Variants in GTF2H5 observed in about 807,000 individuals in gnomAD.
GTF2H5 encodes TFB5 ortholog.
A neutral mutation model predicts 7.1 loss-of-function variants in GTF2H5; 5 were observed. The observed-to-expected ratio is 0.71, with a 90% CI of 0.37 to 1.49. GTF2H5 has a LOEUF of 1.49. Ranked by LOEUF, GTF2H5 falls within the 40% of genes most tolerant of loss-of-function variation. The pLI, the probability that GTF2H5 is intolerant of heterozygous loss-of-function variation, is 0.03. For synonymous variants in GTF2H5, 30 were observed against 31.7 expected (o/e 0.95, Z 0.18); for missense variants, 80 against 83.0 (o/e 0.96, Z 0.14).
chr6:158,188,752 A>G (rs1776973306), intron 2 of GTF2H5, among the ~76,000 whole-genome samples: 1 of 152,052 alleles, frequency 6.6e-6, no homozygotes, highest in South Asian at 2.1e-4. Flanking sequence ...TACCCCATTC[A>G]TCCTCCTGTC....
At chr6:158,169,751 A>ATG (rs1562469427) in intron 1 of GTF2H5, among the ~76,000 whole-genome samples, 1 of 56,634 alleles carries the variant, frequency 1.8e-5, no homozygotes, top group African/African-American at 7.8e-5. Context: ...TATATTATAT[A>ATG]ATATATTGTA....
chr6:158,191,476 A>T (rs1362625388), intron 2 of GTF2H5, among the ~76,000 whole-genome samples: 1 of 150,102 alleles, frequency 6.7e-6, no homozygotes, highest in East Asian at 1.9e-4. Flanking sequence ...TTCAACTTAC[A>T]CTAATAGTTC....
chr6:158,169,769 T>TG (rs1562469492), intron 1 of GTF2H5, among the ~76,000 whole-genome samples: 1 of 94,118 alleles, frequency 1.1e-5, no homozygotes, highest in Non-Finnish European at 2.1e-5. Context: ...GTATATTATA[T>TG]ATAATATATT....
chr6:158,190,561 C>A, intron 2 of GTF2H5: 1 of 384,340 alleles, frequency 2.6e-6, no homozygotes, highest in Non-Finnish European at 5.1e-6. Flanking sequence ...TAAGTTAAAT[C>A]ATGTCACTTG....
intron 2 of GTF2H5, among the ~76,000 whole-genome samples, chr6:158,178,440 G>A (rs894519402): frequency 3.2e-5 from 4 of 125,250 alleles, no homozygotes; most frequent in Admixed American, 1.0e-4. Flanking sequence ...CTGGGAGACA[G>A]AGCGAGACTC....
rs1335562610 is a variant in GTF2H5, at chr6:158,198,371, T to C, written c.*6214T>C. ...TCTCGAATGTTTGGATCACAATCCA[T>C]TGAAAGACTAGGCTATTTTTTCACT... On this transcript the variant is annotated 3_prime_UTR_variant, in exon 3 of 3. Transcript: ENST00000607778. 6.6e-6 allele frequency: 1 copy of C among 152,258 alleles called. No homozygotes were observed. The highest frequency in any genetic ancestry group is 1.5e-5 in the Non-Finnish European group (1 of 68,044). 9.4% of individuals were successfully genotyped at this position (152,258 alleles called of 1,614,324 possible).
chr6:158,191,509 GTC>G (rs1287655292), intron 2 of GTF2H5, among the ~76,000 whole-genome samples: 1 of 148,258 alleles, frequency 6.7e-6, no homozygotes, highest in Non-Finnish European at 1.5e-5. Flanking sequence ...TTGAGACAGA[GTC>G]TCGCTCTGTC....
rs1392132724 is a variant in GTF2H5 at position 158,198,247 on chromosome 6, C to G, written c.*6090C>G. ...AGCGGTCTGATGCTTTCATTGATCTCAAAACTGTCTCTGAGTAACTCTACC... is the reference window on the plus strand; with the variant it reads ...AGCGGTCTGATGCTTTCATTGATCTGAAAACTGTCTCTGAGTAACTCTACC... On this transcript the variant is annotated 3_prime_UTR_variant, in exon 3 of 3. Transcript: ENST00000607778. The G allele has an allele frequency of 6.6e-6, 1 of 152,188 alleles. No individual in the cohort carries two copies. Among genetic ancestry groups the G allele is most frequent in the Non-Finnish European group, 1.5e-5 (1 of 68,028 alleles). 9.4% of individuals were successfully genotyped at this position (152,188 alleles called of 1,614,324 possible).
At chr6:158,170,695 G>T (rs1234873106) in intron 2 of GTF2H5, among the ~76,000 whole-genome samples, 157 bp downstream of exon 2, 1 of 152,196 alleles carries the variant, frequency 6.6e-6, no homozygotes, top group Non-Finnish European at 1.5e-5. Context: ...AGCTCCTGGT[G>T]CCAGATTTCA....
At position 158,195,467 on chromosome 6, in the gene GTF2H5, C is replaced by T. The variant is rs558159669; in HGVS notation, c.*3310C>T. The T allele has an allele frequency of 3.3e-5, 5 of 152,256 alleles. No homozygotes were observed. In the South Asian group the frequency reaches 1.0e-3, roughly 32 times the overall value. 9.4% of individuals were successfully genotyped at this position (152,256 alleles called of 1,614,324 possible). A position where few individuals can be genotyped will look rare whatever the true frequency, so the allele number is the denominator to read the frequency against. ...ATTCCAGGGATCCTATCTAACATCA[C>T]AGTTGATGGATATAACAATGTATTT... On this transcript the variant is annotated 3_prime_UTR_variant, in exon 3 of 3. Coordinates refer to ENST00000607778, the MANE Select transcript of GTF2H5 (RefSeq NM_207118.3).
rs1777109922 is a variant in GTF2H5, at chr6:158,196,267, G to C, written c.*4110G>C. ...ACTGCACTCCAGCCGGGGTGACAGAGCGAGACTCCCACCCATCTCAAAAAA... is the reference window on the plus strand; with the variant it reads ...ACTGCACTCCAGCCGGGGTGACAGACCGAGACTCCCACCCATCTCAAAAAA... On this transcript the variant is annotated 3_prime_UTR_variant, in exon 3 of 3. Coordinates refer to ENST00000607778, the MANE Select transcript of GTF2H5 (RefSeq NM_207118.3). 1 of 152,156 alleles carries C rather than the reference G, an allele frequency of 6.6e-6. No homozygotes were observed. Among genetic ancestry groups the C allele is most frequent in the Non-Finnish European group, 1.5e-5 (1 of 68,076 alleles). 9.4% of individuals were successfully genotyped at this position (152,156 alleles called of 1,614,324 possible).
chr6:158,185,867 G>T (rs1298841946), intron 2 of GTF2H5, among the ~76,000 whole-genome samples: 2 of 152,088 alleles, frequency 1.3e-5, no homozygotes, highest in African/African-American at 4.8e-5. Context: ...AGTGACATGT[G>T]CCTGTAGTCC....
At chr6:158,177,755 G>A (rs556417007) in intron 2 of GTF2H5, among the ~76,000 whole-genome samples, 3 of 152,264 alleles carry the variant, frequency 2.0e-5, no homozygotes, top group Non-Finnish European at 2.9e-5. Context: ...GGTGTGTGAT[G>A]ATCGCCTCCC....
rs575710347 is a variant in GTF2H5 at position 158,196,375 on chromosome 6, A to G, written c.*4218A>G. On this transcript the variant is annotated 3_prime_UTR_variant, in exon 3 of 3. Transcript: ENST00000607778. Reference sequence around the variant, plus strand: ...CTGCTTACTAGCTCTGGGATCTCAGATGTTTCGTTGATTGGATTTCTTTGT... The same window carrying G: ...CTGCTTACTAGCTCTGGGATCTCAGGTGTTTCGTTGATTGGATTTCTTTGT... 29 of 152,332 alleles carry G rather than the reference A, an allele frequency of 1.9e-4. No individual in the cohort carries two copies. The highest frequency in any genetic ancestry group is 1.6e-3 in the Admixed American group (24 of 15,294). The allele number at this position is 152,332 out of a possible 1,614,324, so 9.4% of individuals were successfully genotyped here. A position where few individuals can be genotyped will look rare whatever the true frequency, so the allele number is the denominator to read the frequency against.
intron 2 of GTF2H5, among the ~76,000 whole-genome samples, chr6:158,173,883 C>T (rs992265380): frequency 1.3e-5 from 2 of 152,106 alleles, no homozygotes; most frequent in Non-Finnish European, 2.9e-5. Context: ...GTGGATTATT[C>T]GTGAGTTTTC....
chr6:158,169,483 A>T (rs11757850), intron 1 of GTF2H5, among the ~76,000 whole-genome samples: 2,235 of 57,448 alleles, frequency 0.039, 244 homozygotes, highest in Admixed American at 0.1. Context: ...ATTATATATA[A>T]TATATTGTAT....
At chr6:158,190,239 T>C (rs145812235) in intron 2 of GTF2H5, among the ~76,000 whole-genome samples, 87 of 152,212 alleles carry the variant, frequency 5.7e-4, no homozygotes, top group African/African-American at 1.9e-3. Flanking sequence ...ATCTTACACA[T>C]TCCTCTTTAT....
chr6:158,169,176 G>A lies in GTF2H5; in HGVS notation c.-35+781G>A, dbSNP rs1222048563. Among the ~76,000 whole-genome samples the A allele has an allele frequency of 2.0e-5, 3 of 148,080 alleles. No homozygotes were observed. The East Asian group carries it at 5.9e-4, about 29-fold the overall frequency. ...TTGAGCCCGGGAGGCAGAGGTTGCA[G>A]TGAGCCGACATCACGACACTGCGCT... On this transcript the variant is annotated intron_variant, in intron 1 of 2. Coordinates refer to ENST00000607778, the MANE Select transcript of GTF2H5 (RefSeq NM_207118.3).
At chr6:158,191,349 T>C (rs1253016491) in intron 2 of GTF2H5, among the ~76,000 whole-genome samples, 1 of 152,230 alleles carries the variant, frequency 6.6e-6, no homozygotes, top group South Asian at 2.1e-4. Context: ...AGTGTTTAAA[T>C]CAGTTAAGAA....
Sources: gnomAD v4.1 joint callset for allele counts (sites outside exome capture counted in the v4.1 genomes callset) on GRCh38, gnomAD v4.1.1 for gene constraint, MANE v1.5 for transcripts, NCBI Gene and HGNC (gene_info 2026-07-23, HGNC 2026-07-21) for gene names.